Variants in AFF3 observed in about 807,000 individuals in gnomAD.
AFF3 encodes the protein AF4/FMR2 family member 3.
In AFF3, 32 loss-of-function variants were observed where a neutral mutation model predicts 129.7. That is an observed-to-expected ratio of 0.25 (90% CI 0.19 to 0.33). AFF3 has a LOEUF of 0.33. Ranked by LOEUF, AFF3 falls within the 10% of genes least tolerant of loss-of-function variation. AFF3 has a pLI of 1.00. For missense variants in AFF3, 1,373 were observed against 1,592.0 expected, an observed-to-expected ratio of 0.86 and a Z score of 2.34; for synonymous variants, 644 against 635.4, an observed-to-expected ratio of 1.01 and a Z score of -0.20.
intron 7 of AFF3, among the ~76,000 whole-genome samples, chr2:99,902,995 A>G (rs1694460105): frequency 2.6e-5 from 4 of 152,196 alleles, no homozygotes; most frequent in Admixed American, 2.6e-4. Context: ...TATTGAAGCC[A>G]TTTCTCCTCC....
chr2:99,817,126 G>C (rs1417670442), intron 8 of AFF3, among the ~76,000 whole-genome samples: 1 of 152,170 alleles, frequency 6.6e-6, no homozygotes, highest in Non-Finnish European at 1.5e-5. Flanking sequence ...TAGAGGTTCT[G>C]CAGTGGCTGC....
intron 4 of AFF3, among the ~76,000 whole-genome samples, chr2:100,077,628 G>A (rs1029127213): frequency 3.3e-5 from 5 of 152,196 alleles, no homozygotes; most frequent in African/African-American, 7.2e-5. Context: ...TACAGTATCT[G>A]TTACTTCCTC....
intron 18 of AFF3, 97 bp from the exon 19 acceptor site, chr2:99,569,012 A>G: frequency 1.7e-6 from 2 of 1,204,162 alleles, no homozygotes; most frequent in Non-Finnish European, 2.4e-6. Flanking sequence ...GCACAATTTA[A>G]AAACTCTGCT....
intron 4 of AFF3, among the ~76,000 whole-genome samples, chr2:100,086,192 T>C (rs1689414343): frequency 6.6e-6 from 1 of 152,166 alleles, no homozygotes; most frequent in Non-Finnish European, 1.5e-5. Flanking sequence ...ATCTGGTTTG[T>C]AAGAATTATG....
intron 11 of AFF3, among the ~76,000 whole-genome samples, chr2:99,712,519 T>C (rs556327507): frequency 1.1e-4 from 17 of 152,340 alleles, no homozygotes; most frequent in African/African-American, 4.1e-4. Flanking sequence ...ATCTCAGAAG[T>C]TGGTCAGTAA....
chr2:99,737,355 C>G (rs994397929), intron 10 of AFF3, among the ~76,000 whole-genome samples: 1 of 152,214 alleles, frequency 6.6e-6, no homozygotes, highest in South Asian at 2.1e-4. Context: ...TCCTTCTGAA[C>G]AAAGTATGTC....
chr2:99,882,679 T>C (rs759505251), intron 7 of AFF3, among the ~76,000 whole-genome samples: 5 of 152,238 alleles, frequency 3.3e-5, no homozygotes, highest in Admixed American at 6.5e-5. Flanking sequence ...GGCCATCCTG[T>C]TCCAGTTTAC....
At chr2:99,863,202 A>G (rs1390391991) in intron 7 of AFF3, among the ~76,000 whole-genome samples, 1 of 152,254 alleles carries the variant, frequency 6.6e-6, no homozygotes, top group Non-Finnish European at 1.5e-5. Flanking sequence ...TGTTTCTATC[A>G]TTTGCCAACA....
chr2:99,704,008 T>G (rs185162944), intron 11 of AFF3, among the ~76,000 whole-genome samples: 2 of 152,352 alleles, frequency 1.3e-5, no homozygotes, highest in African/African-American at 4.8e-5. Context: ...TTTTACCACT[T>G]CCAGTGAGGT....
At chr2:99,579,268 G>A (rs921454444) in intron 17 of AFF3, among the ~76,000 whole-genome samples, 5 of 151,852 alleles carry the variant, frequency 3.3e-5, no homozygotes, top group Admixed American at 2.6e-4. Flanking sequence ...AGCTAGACGT[G>A]GTGATACATG....
intron 7 of AFF3, among the ~76,000 whole-genome samples, chr2:99,849,009 G>A (rs2105858132): frequency 6.6e-6 from 1 of 152,210 alleles, no homozygotes; most frequent in Admixed American, 6.5e-5. Flanking sequence ...GATGTGCCAG[G>A]TAGTCTAAAG....
At chr2:99,684,272 T>TG in intron 11 of AFF3, among the ~76,000 whole-genome samples, 1 of 152,358 alleles carries the variant, frequency 6.6e-6, no homozygotes, top group South Asian at 2.1e-4. Flanking sequence ...TTAACAACCT[T>TG]ATCCTACGCT....
At chr2:99,591,722 C>T (rs1480272763) in intron 15 of AFF3, among the ~76,000 whole-genome samples, 1 of 152,192 alleles carries the variant, frequency 6.6e-6, no homozygotes, top group Non-Finnish European at 1.5e-5. Context: ...ACTAGACTGT[C>T]TTCAGAAAAC....
intron 8 of AFF3, among the ~76,000 whole-genome samples, chr2:99,757,999 T>A (rs988846079): frequency 2.0e-5 from 3 of 152,186 alleles, no homozygotes; most frequent in Admixed American, 2.0e-4. Context: ...AGGCTGTGTA[T>A]TTTTTGTCTG....
intron 7 of AFF3, among the ~76,000 whole-genome samples, chr2:99,925,176 C>T (rs1211385689): frequency 2.6e-5 from 4 of 152,030 alleles, no homozygotes; most frequent in Non-Finnish European, 4.4e-5. Context: ...CCACACCAGC[C>T]CCAAAGGAGA....
At chr2:99,839,475 C>T (rs146942870) in intron 7 of AFF3, among the ~76,000 whole-genome samples, 93 of 152,262 alleles carry the variant, frequency 6.1e-4, no homozygotes, top group African/African-American at 2.1e-3. Flanking sequence ...TACATTCCCA[C>T]CATCAATGCA....
At chr2:99,694,945 C>T (rs1457974469) in intron 11 of AFF3, among the ~76,000 whole-genome samples, 1 of 152,100 alleles carries the variant, frequency 6.6e-6, no homozygotes, top group Non-Finnish European at 1.5e-5. Flanking sequence ...CCTCGTGATC[C>T]ACCCATATTG....
intron 8 of AFF3, among the ~76,000 whole-genome samples, chr2:99,805,785 C>T (rs899196655): frequency 6.7e-5 from 10 of 149,466 alleles, no homozygotes; most frequent in African/African-American, 2.0e-4. Context: ...AAATGCTTAG[C>T]GCAGGAAACA....
chr2:100,138,893 C>T (rs952766046), intron 1 of AFF3, among the ~76,000 whole-genome samples: 2 of 138,816 alleles, frequency 1.4e-5, no homozygotes, highest in East Asian at 4.4e-4. Context: ...TGCAGTGAGC[C>T]GAAATCATGG....
Sources: gnomAD v4.1 joint callset for allele counts (sites outside exome capture counted in the v4.1 genomes callset) on GRCh38, gnomAD v4.1.1 for gene constraint, MANE v1.5 for transcripts, NCBI Gene and HGNC (gene_info 2026-07-23, HGNC 2026-07-21) for gene names.